Variants in NEO1 observed in about 807,000 individuals in gnomAD.
The protein encoded by NEO1 is neogenin 1, also known as neogenin.
Under a neutral mutation model 159.7 loss-of-function variants are expected in NEO1, and 63 were observed. That is an observed-to-expected ratio of 0.39 (90% CI 0.32 to 0.49). The LOEUF (loss-of-function observed/expected upper bound fraction) is 0.49, where lower values mean the gene tolerates loss of function less well. Ranked by LOEUF, NEO1 falls within the 20% of genes least tolerant of loss-of-function variation. The probability of loss-of-function intolerance (pLI) is 0.85; values close to 1 mark genes in which losing one functional copy is unlikely to be tolerated. For missense variants in NEO1, 1,615 were observed against 1,831.0 expected (o/e 0.88, Z 2.15); for synonymous variants, 633 against 662.0 (o/e 0.96, Z 0.67).
chr15:73,144,769 C>T (rs2032742405), intron 5 of NEO1, among the ~76,000 whole-genome samples: 1 of 152,230 alleles, frequency 6.6e-6, no homozygotes, highest in African/African-American at 2.4e-5. Flanking sequence ...TAACATTCTT[C>T]TCTCAAAATA....
At chr15:73,283,773 C>A (rs981278532) in intron 23 of NEO1, among the ~76,000 whole-genome samples, 1 of 152,178 alleles carries the variant, frequency 6.6e-6, no homozygotes, top group African/African-American at 2.4e-5. Flanking sequence ...GAACCCGATG[C>A]CCAGGAGTCT....
At chr15:73,292,354 C>G (rs1258394005) in intron 25 of NEO1, among the ~76,000 whole-genome samples, 1 of 152,144 alleles carries the variant, frequency 6.6e-6, no homozygotes, top group African/African-American at 2.4e-5. Context: ...GTTCATGAAG[C>G]CTTTGTTTGG....
chr15:73,259,739 A>G (rs1423460607), intron 14 of NEO1, among the ~76,000 whole-genome samples: 2 of 152,186 alleles, frequency 1.3e-5, no homozygotes, highest in Non-Finnish European at 2.9e-5. Context: ...CCTCCTTTGT[A>G]AGCCTCTTAG....
intron 4 of NEO1, 77 bp from the exon 5 acceptor site, chr15:73,135,814 T>A (rs2031685912): frequency 7.7e-7 from 1 of 1,292,846 alleles, no homozygotes; most frequent in African/African-American, 1.5e-5. Flanking sequence ...TTTTCTCTAT[T>A]TTATGTGGAG....
chr15:73,127,166 G>A (rs571096338), intron 4 of NEO1, among the ~76,000 whole-genome samples: 3 of 151,714 alleles, frequency 2.0e-5, no homozygotes, highest in East Asian at 3.9e-4. Context: ...AGGAGGCGAA[G>A]GTTGCAGTGA....
At chr15:73,134,308 A>G (rs1047125692) in intron 4 of NEO1, among the ~76,000 whole-genome samples, 2 of 152,180 alleles carry the variant, frequency 1.3e-5, no homozygotes, top group African/African-American at 4.8e-5. Flanking sequence ...TGCTTGATAA[A>G]GGTTAGTCAT....
At chr15:73,197,487 T>G (rs1260452732) in intron 7 of NEO1, among the ~76,000 whole-genome samples, 1 of 152,168 alleles carries the variant, frequency 6.6e-6, no homozygotes, top group Non-Finnish European at 1.5e-5. Context: ...ACCTTCCTGG[T>G]CAATTACTCC....
chr15:73,139,374 A>G (rs1001099256), intron 5 of NEO1, among the ~76,000 whole-genome samples: 2 of 152,212 alleles, frequency 1.3e-5, no homozygotes, highest in Non-Finnish European at 1.5e-5. Context: ...GGAAACAATC[A>G]ACAGTGAAGA....
chr15:73,091,522 G>A (rs8032762), intron 1 of NEO1, among the ~76,000 whole-genome samples: 1 of 151,932 alleles, frequency 6.6e-6, no homozygotes, highest in African/African-American at 2.4e-5. Context: ...CTGCTTTTGC[G>A]CATAGTGAAC....
chr15:73,114,769 C>G (rs1002116958), intron 1 of NEO1, among the ~76,000 whole-genome samples: 3 of 151,962 alleles, frequency 2.0e-5, no homozygotes, highest in African/African-American at 7.2e-5. Flanking sequence ...ACACATTTAT[C>G]TTTTAAGTTT....
At chr15:73,108,389 A>C (rs2070797483) in intron 1 of NEO1, among the ~76,000 whole-genome samples, 1 of 152,186 alleles carries the variant, frequency 6.6e-6, no homozygotes, top group Admixed American at 6.5e-5. Flanking sequence ...CAAAGGACAG[A>C]CTTCAAGTCA....
At position 73,272,480 on chromosome 15, in the gene NEO1, G is replaced by A. The variant is rs761587352; in HGVS notation, c.2883G>A (p.Val961=). The A allele has an allele frequency of 4.3e-6, 7 of 1,613,960 alleles. No individual in the cohort carries two copies. In the African/African-American group the frequency reaches 6.7e-5, roughly 15 times the overall value. The change falls in exon 19 of 29, where the codon GTG becomes GTA. Residue 961 remains valine, a synonymous_variant. Coordinates refer to ENST00000261908, the MANE Select transcript of NEO1 (RefSeq NM_002499.4). ...ELVPTSPPKD[V]TVVSKEGKPK... is the part of the protein sequence containing the mutation. ...TTCCGACTTCTCCACCCAAGGATGT[G>A]ACTGTTGTGAGTAAAGAGGGGAAAC...
chr15:73,075,531 CT>C (rs966040044), intron 1 of NEO1, among the ~76,000 whole-genome samples: 7 of 152,138 alleles, frequency 4.6e-5, no homozygotes, highest in Admixed American at 6.5e-5. Flanking sequence ...CTTTCAGTTG[CT>C]ATTCTGAAAG....
chr15:73,180,350 T>C (rs1839732344), intron 7 of NEO1, among the ~76,000 whole-genome samples: 1 of 152,172 alleles, frequency 6.6e-6, no homozygotes, highest in South Asian at 2.1e-4. Flanking sequence ...GCATAAAATA[T>C]TAGAACTGCT....
chr15:73,296,053 A>G (rs1009410805), intron 26 of NEO1, among the ~76,000 whole-genome samples: 2 of 152,206 alleles, frequency 1.3e-5, no homozygotes, highest in African/African-American at 2.4e-5. Flanking sequence ...GAGTTGTGCA[A>G]GGCAGCCCTG....
chr15:73,210,593 A>G (rs1276535615), intron 7 of NEO1, among the ~76,000 whole-genome samples: 3 of 152,240 alleles, frequency 2.0e-5, no homozygotes, highest in South Asian at 2.1e-4. Flanking sequence ...TACAAATTAG[A>G]GCAAAATAAT....
chr15:73,165,661 A>G (rs947314989), intron 5 of NEO1, among the ~76,000 whole-genome samples: 2 of 152,220 alleles, frequency 1.3e-5, no homozygotes, highest in African/African-American at 4.8e-5. Context: ...AAGAGAATTA[A>G]GGGGCGTGGA....
chr15:73,191,317 CTG>C (rs975599956), intron 7 of NEO1, among the ~76,000 whole-genome samples: 2 of 152,156 alleles, frequency 1.3e-5, no homozygotes, highest in Admixed American at 6.5e-5. Flanking sequence ...GTTAAGTACT[CTG>C]TAACTTTAGG....
At chr15:73,071,081 T>C (rs1324800732) in intron 1 of NEO1, among the ~76,000 whole-genome samples, 1 of 151,818 alleles carries the variant, frequency 6.6e-6, no homozygotes. Context: ...CTGAGTAGCT[T>C]GGACTACAGG....
Sources: allele counts gnomAD v4.1 joint callset (sites outside exome capture counted in the v4.1 genomes callset), GRCh38; gene constraint gnomAD v4.1.1; transcripts MANE v1.5; gene names NCBI Gene and HGNC (gene_info 2026-07-23, HGNC 2026-07-21).